Variants in ARHGEF9 observed in about 807,000 individuals in gnomAD.
ARHGEF9 encodes rho guanine nucleotide exchange factor 9.
Under a neutral mutation model 41.3 loss-of-function variants are expected in ARHGEF9, and 2 were observed. The observed-to-expected ratio is 0.05, with a 90% CI of 0.02 to 0.15. The LOEUF is 0.15. Among genes scored for constraint, ARHGEF9 ranks in the 10% least tolerant of loss-of-function variants. The probability of loss-of-function intolerance (pLI) is 1.00; values close to 1 mark genes in which losing one functional copy is unlikely to be tolerated. For missense variants in ARHGEF9, 225 were observed against 424.7 expected (o/e 0.53, Z 4.13); for synonymous variants, 160 against 154.4 (o/e 1.04, Z -0.27).
intron 1 of ARHGEF9, among the ~76,000 whole-genome samples, chrX:63,767,899 C>T (rs782439449): frequency 8.9e-6 from 1 of 112,025 alleles, no homozygotes; most frequent in East Asian, 2.8e-4. Context: ...AGAAGATATT[C>T]CCCCTCTTCC....
intron 3 of ARHGEF9, among the ~76,000 whole-genome samples, chrX:63,705,970 A>G (rs2052517375): frequency 9.0e-6 from 1 of 111,666 alleles, no homozygotes; most frequent in African/African-American, 3.3e-5. Context: ...AAAGGTAGAG[A>G]TGCAGGGGAG....
At chrX:63,724,452 G>A in intron 2 of ARHGEF9, 80 bp downstream of exon 2, 1 of 1,073,133 alleles carries the variant, frequency 9.3e-7, no homozygotes. Context: ...GAAATAAACA[G>A]GAGAACAGAG....
chrX:63,728,165 T>C (rs1219195556), intron 1 of ARHGEF9, among the ~76,000 whole-genome samples: 2 of 112,553 alleles, frequency 1.8e-5, no homozygotes, highest in Non-Finnish European at 3.7e-5. Flanking sequence ...TGTTCCTCCC[T>C]CATCTTCTGA....
At chrX:63,779,677 G>A (rs1170301892) in intron 1 of ARHGEF9, among the ~76,000 whole-genome samples, 1 of 111,722 alleles carries the variant, frequency 9.0e-6, no homozygotes, top group Non-Finnish European at 1.9e-5. Flanking sequence ...GATATGTCAG[G>A]TGTTTATTGA....
intron 1 of ARHGEF9, among the ~76,000 whole-genome samples, chrX:63,782,744 T>A (rs781993847): frequency 3.9e-4 from 44 of 112,333 alleles, no homozygotes; most frequent in African/African-American, 1.4e-3. Flanking sequence ...AGATACACAA[T>A]CCCTATTTGT....
chrX:63,744,156 G>C (rs782807901), intron 1 of ARHGEF9, among the ~76,000 whole-genome samples: 24 of 112,267 alleles, frequency 2.1e-4, no homozygotes, highest in Non-Finnish European at 4.3e-4. Context: ...TCTTTATAGA[G>C]GGCTTACTGA....
intron 4 of ARHGEF9, among the ~76,000 whole-genome samples, chrX:63,681,168 G>A (rs782234343): frequency 9.9e-5 from 11 of 111,366 alleles, no homozygotes; most frequent in Non-Finnish European, 1.9e-4. Context: ...CTCCTTGGAT[G>A]CTCTGGCCCA....
chrX:63,722,199 G>C (rs1444330887), intron 2 of ARHGEF9, among the ~76,000 whole-genome samples: 11 of 111,517 alleles, frequency 9.9e-5, no homozygotes, highest in African/African-American at 3.6e-4. Flanking sequence ...GTTTTAATGT[G>C]TAACAACAGG....
chrX:63,722,618 AT>A (rs1327667916), intron 2 of ARHGEF9: 1 of 109,894 alleles, frequency 9.1e-6, no homozygotes, highest in Non-Finnish European at 1.9e-5. Flanking sequence ...TTGCTCAATC[AT>A]TTCCCCCCAT....
At chrX:63,653,935 A>G (rs1246029717) in intron 8 of ARHGEF9, among the ~76,000 whole-genome samples, 2 of 111,267 alleles carry the variant, frequency 1.8e-5, no homozygotes, top group East Asian at 5.6e-4. Flanking sequence ...ATACAAAATT[A>G]TATCTATCCA....
At chrX:63,714,951 A>T (rs1353459216) in intron 2 of ARHGEF9, among the ~76,000 whole-genome samples, 1 of 111,933 alleles carries the variant, frequency 8.9e-6, no homozygotes, top group Non-Finnish European at 1.9e-5. Context: ...CAACGAATGG[A>T]GACTTACTTA....
chrX:63,716,238 T>C (rs2053289700), intron 2 of ARHGEF9: 1 of 108,827 alleles, frequency 9.2e-6, no homozygotes, highest in African/African-American at 3.4e-5. Context: ...CAGCGAGCCA[T>C]GATCACACCA....
intron 1 of ARHGEF9, among the ~76,000 whole-genome samples, chrX:63,734,315 T>A (rs1181421514): frequency 1.8e-5 from 2 of 112,122 alleles, no homozygotes; most frequent in Non-Finnish European, 3.8e-5. Context: ...CTACAACAGC[T>A]CCCAATCTGA....
intron 2 of ARHGEF9, 31 bp from the exon 3 acceptor site, chrX:63,706,480 G>T (rs1556402304): frequency 4.2e-6 from 5 of 1,178,544 alleles, no homozygotes; most frequent in Non-Finnish European, 5.7e-6. Flanking sequence ...AAAATAATGA[G>T]TTAGCTTCCT....
chrX:63,674,177 CAA>C lies in ARHGEF9; in HGVS notation c.816-12_816-11del, dbSNP rs781845457. The C allele has an allele frequency of 7.3e-5, 88 of 1,207,965 alleles. No individual in the cohort carries two copies. The South Asian group carries it at 1.3e-3, about 17-fold the overall frequency. On this transcript the variant is annotated splice_polypyrimidine_tract_variant and intron_variant, in intron 5 of 9. Transcript: ENST00000671741. ...CACATACCTGTAGTCACTGTGAAAA[CAA>C]AAGAGTGCAAGTTGAACCAACCAAT...
At chrX:63,777,250 A>T (rs1208184327) in intron 1 of ARHGEF9, among the ~76,000 whole-genome samples, 4 of 111,593 alleles carry the variant, frequency 3.6e-5, no homozygotes, top group African/African-American at 1.3e-4. Context: ...TAGAGAAAAG[A>T]GGAGGAAAAG....
intron 9 of ARHGEF9, chrX:63,639,870 C>A (rs782434978): frequency 9.0e-6 from 1 of 111,628 alleles, no homozygotes; most frequent in Non-Finnish European, 1.9e-5. Flanking sequence ...CACAGAAAGA[C>A]AAATATCAAA....
chrX:63,691,803 A>G (rs1343471465), intron 4 of ARHGEF9, among the ~76,000 whole-genome samples: 2 of 111,293 alleles, frequency 1.8e-5, no homozygotes, highest in Non-Finnish European at 3.8e-5. Context: ...TAACTTCAAA[A>G]TACACTGTAA....
At chrX:63,686,639 C>T (rs1602398585) in intron 4 of ARHGEF9, among the ~76,000 whole-genome samples, 2 of 111,547 alleles carry the variant, frequency 1.8e-5, no homozygotes, top group South Asian at 3.7e-4. Flanking sequence ...ACTTATCTGA[C>T]AAAGGACTTG....
Sources: allele counts gnomAD v4.1 joint callset (sites outside exome capture counted in the v4.1 genomes callset), GRCh38; gene constraint gnomAD v4.1.1; transcripts MANE v1.5; gene names NCBI Gene and HGNC (gene_info 2026-07-23, HGNC 2026-07-21).